The following FBXL13 variants were observed in gnomAD, a reference collection of about 807,000 sequenced individuals.
FBXL13 encodes the protein F-box and leucine-rich repeat protein 13.
Under a neutral mutation model 83.6 loss-of-function variants are expected in FBXL13, and 67 were observed. The ratio of observed to expected loss-of-function variants is 0.80; its 90% confidence interval spans 0.66 to 0.98. The LOEUF is 0.98. FBXL13 is among the 50% of genes least tolerant of loss of function. The pLI, the probability that FBXL13 is intolerant of heterozygous loss-of-function variation, is 0.00. For synonymous variants in FBXL13, 272 were observed against 299.5 expected (o/e 0.91, Z 0.95); for missense variants, 822 against 866.5 (o/e 0.95, Z 0.64).
intron 6 of FBXL13, among the ~76,000 whole-genome samples, chr7:103,004,906 T>C (rs1790820024): frequency 6.6e-6 from 1 of 152,184 alleles, no homozygotes; most frequent in African/African-American, 2.4e-5. Context: ...CGTTACTCCT[T>C]CAACTAACTT....
In FBXL13 at chr7:102,877,420, A is replaced by T. The variant is rs755585464; in HGVS notation, c.1635+47T>A. On this transcript the variant is annotated intron_variant, in intron 16 of 19. Transcript: ENST00000313221. Reference sequence around the variant, plus strand: ...TATTTACAAAATAGCAAATAATTGTATTATAGAAAACAATAAAAGTCATTG... The same window carrying T: ...TATTTACAAAATAGCAAATAATTGTTTTATAGAAAACAATAAAAGTCATTG... 2.8e-6 allele frequency: 4 copies of T among 1,408,384 alleles called. No homozygotes were observed. In the East Asian group the frequency reaches 9.9e-5, roughly 35 times the overall value. 87.2% of individuals were successfully genotyped at this position (1,408,384 alleles called of 1,614,324 possible). A position where few individuals can be genotyped will look rare whatever the true frequency, so the allele number is the denominator to read the frequency against.
chr7:102,833,420 T>C (rs1293851665), intron 17 of FBXL13, among the ~76,000 whole-genome samples: 1 of 151,616 alleles, frequency 6.6e-6, no homozygotes, highest in African/African-American at 2.4e-5. Context: ...AGTTACTATC[T>C]TTCTGAGCCT....
At chr7:102,923,740 C>T (rs1047517495) in intron 10 of FBXL13, among the ~76,000 whole-genome samples, 4 of 151,586 alleles carry the variant, frequency 2.6e-5, no homozygotes, top group African/African-American at 9.7e-5. Flanking sequence ...AGGAGAATTG[C>T]TTTGAACCTG....
At chr7:102,945,386 T>C (rs1346564186) in intron 8 of FBXL13, among the ~76,000 whole-genome samples, 3 of 152,196 alleles carry the variant, frequency 2.0e-5, no homozygotes, top group Non-Finnish European at 4.4e-5. Context: ...GGAATCCACC[T>C]GTCCGTGAGA....
chr7:102,847,638 T>G (rs538528937), intron 17 of FBXL13, among the ~76,000 whole-genome samples: 1 of 152,204 alleles, frequency 6.6e-6, no homozygotes, highest in African/African-American at 2.4e-5. Context: ...GTGATTCTCC[T>G]GTCTCAGCCT....
At chr7:103,046,912 G>A (rs1038433684) in intron 2 of FBXL13, 2 of 152,232 alleles carry the variant, frequency 1.3e-5, no homozygotes, top group African/African-American at 4.8e-5. Context: ...TTGTTGCAGT[G>A]TGGATGGCAA....
In FBXL13 at chr7:103,027,519, T is replaced by C. The variant is rs866858720; in HGVS notation, c.257A>G (p.Lys86Arg). The C allele has an allele frequency of 6.2e-6, 10 of 1,613,190 alleles. No individual in the cohort carries two copies. The African/African-American group carries it at 6.7e-5, about 11-fold the overall frequency. Reference sequence around the variant, plus strand: ...CCATTTTGTTAGGATAATGGTTAGCTTGTGACAATAGATGATCTGTTGTAT... The same window carrying C: ...CCATTTTGTTAGGATAATGGTTAGCCTGTGACAATAGATGATCTGTTGTAT... Residue 86 changes from lysine (K) to arginine (R), a missense_variant, in exon 5 of 20, where the codon AAG (lysine) becomes AGG (arginine). Physicochemically the swap from Lys to Arg is conservative, Grantham distance 26. Coordinates refer to ENST00000313221, the Ensembl canonical transcript of FBXL13.
At chr7:103,022,465 A>G (rs567122204) in intron 6 of FBXL13, among the ~76,000 whole-genome samples, 1 of 152,246 alleles carries the variant, frequency 6.6e-6, no homozygotes, top group South Asian at 2.1e-4. Context: ...TGTACCCTAG[A>G]ACTTAAAGTA....
chr7:103,036,882 T>C (rs933119514), intron 2 of FBXL13, among the ~76,000 whole-genome samples: 5 of 152,238 alleles, frequency 3.3e-5, no homozygotes, highest in Admixed American at 6.5e-5. Context: ...TGTACTTTAA[T>C]GCTTTTTACC....
At chr7:102,884,640 G>A (rs1243287220) in intron 11 of FBXL13, among the ~76,000 whole-genome samples, 2 of 151,918 alleles carry the variant, frequency 1.3e-5, no homozygotes, top group Non-Finnish European at 2.9e-5. Context: ...GCAAGACCCT[G>A]TCTCTTTAAA....
At chr7:102,990,608 G>C (rs1261730550) in intron 6 of FBXL13, among the ~76,000 whole-genome samples, 1 of 152,182 alleles carries the variant, frequency 6.6e-6, no homozygotes, top group African/African-American at 2.4e-5. Flanking sequence ...AGAGTAAAAA[G>C]TATCTCAAGA....
intron 6 of FBXL13, among the ~76,000 whole-genome samples, chr7:102,978,129 A>G (rs1827742195): frequency 6.6e-6 from 1 of 152,204 alleles, no homozygotes; most frequent in Non-Finnish European, 1.5e-5. Context: ...AGAAACTACA[A>G]TTAACTGCCA....
intron 6 of FBXL13, 80 bp downstream of exon 7, chr7:103,024,982 TC>T: frequency 9.2e-7 from 1 of 1,084,878 alleles, no homozygotes. Context: ...TGTCTCAGCC[TC>T]CCAAGCAGCT....
chr7:103,027,358 A>G (rs1794045662), intron 5 of FBXL13, 91 bp downstream of exon 6: 2 of 758,830 alleles, frequency 2.6e-6, no homozygotes, highest in Non-Finnish European at 4.2e-6. Context: ...TCAGGATTTT[A>G]GTATTTTCCA....
At chr7:102,893,232 T>C (rs1749370800) in intron 11 of FBXL13, among the ~76,000 whole-genome samples, 2 of 152,224 alleles carry the variant, frequency 1.3e-5, no homozygotes, top group South Asian at 4.1e-4. Flanking sequence ...AACCTGAAAT[T>C]TGGCCTTTCC....
At chr7:102,855,614 T>G (rs7809047) in intron 16 of FBXL13, among the ~76,000 whole-genome samples, 16,769 of 152,010 alleles carry the variant, frequency 0.11, 985 homozygotes, top group Middle Eastern at 0.21. Context: ...TTAAACTAGG[T>G]GGACAAGAGC....
intron 11 of FBXL13, among the ~76,000 whole-genome samples, chr7:102,907,129 C>T (rs751732196): frequency 5.9e-5 from 9 of 152,010 alleles, no homozygotes; most frequent in African/African-American, 9.7e-5. Context: ...CCCACCACCA[C>T]GTCTGGCTAA....
intron 5 of FBXL13, 32 bp downstream of exon 6, chr7:103,027,417 G>A: frequency 6.9e-7 from 1 of 1,457,208 alleles, no homozygotes; most frequent in Non-Finnish European, 9.5e-7. Context: ...GAAACATTCG[G>A]ATTCTTAAAA....
intron 16 of FBXL13, among the ~76,000 whole-genome samples, chr7:102,863,385 A>T (rs1807137042): frequency 6.6e-6 from 1 of 152,222 alleles, no homozygotes; most frequent in Non-Finnish European, 1.5e-5. Flanking sequence ...CTGGGGGTAT[A>T]GATCATGGGA....
Sources: allele counts gnomAD v4.1 joint callset (sites outside exome capture counted in the v4.1 genomes callset), GRCh38; gene constraint gnomAD v4.1.1; transcripts MANE v1.5; gene names NCBI Gene and HGNC (gene_info 2026-07-23, HGNC 2026-07-21).